The following WDR64 variants were observed in gnomAD, a reference collection of about 807,000 sequenced individuals.
WDR64 encodes WD repeat-containing protein 64.
WDR64 carries 112 observed loss-of-function variants against 139.3 expected under a neutral mutation model. That is an observed-to-expected ratio of 0.80 (90% confidence interval 0.69 to 0.94). The LOEUF is 0.94. Ranked by LOEUF, WDR64 falls within the 40% of genes least tolerant of loss-of-function variation. The pLI is 0.00. For synonymous variants in WDR64, 444 were observed against 437.7 expected (o/e 1.01, Z -0.18); for missense variants, 1,206 against 1,293.1 (o/e 0.93, Z 1.03).
intron 6 of WDR64, 119 bp from the exon 7 acceptor site, chr1:241,683,368 A>G (rs1263431879): frequency 2.3e-6 from 2 of 867,520 alleles, no homozygotes; most frequent in Non-Finnish European, 3.5e-6. Context: ...ATTATCTTAT[A>G]AGATAGGTGT....
chr1:241,787,863 T>A lies in WDR64; in HGVS notation c.2720T>A (p.Leu907His), dbSNP rs776257828. ...IDGSVRLWHA[L>H]NGHYCGYFGQ... ...CCTTCCCTCAGGCTCTGGCATGCCC[T>A]CAATGGACATTATTGTGGATATTTT... Residue 907 changes from leucine to histidine, a missense_variant, in exon 24 of 28, where the codon CTC becomes CAC. Physicochemically the swap from Leu to His is moderately conservative, Grantham distance 99. Coordinates refer to ENST00000437684, the MANE Select transcript of WDR64 (RefSeq NM_001367482.1). 6.3e-7 allele frequency: 1 copy of A among 1,592,846 alleles called. No individual in the cohort carries two copies. The highest frequency in any genetic ancestry group is 8.5e-7 in the Non-Finnish European group (1 of 1,173,778).
intron 8 of WDR64, among the ~76,000 whole-genome samples, chr1:241,706,610 A>T (rs1169756244): frequency 6.6e-6 from 1 of 152,238 alleles, no homozygotes; most frequent in Non-Finnish European, 1.5e-5. Context: ...CATTTGATAG[A>T]AGGATAACTA....
In WDR64 at chr1:241,759,135, A is replaced by G. The variant is rs1337104354; in HGVS notation, c.1947+1676A>G. Among the ~76,000 whole-genome samples, 3 of 152,142 alleles carry G rather than the reference A, an allele frequency of 2.0e-5. No homozygotes were observed. The South Asian group carries it at 6.2e-4, about 31-fold the overall frequency. On this transcript the variant is annotated intron_variant, in intron 15 of 27. Transcript: ENST00000437684. ...AGGTTATGTCATTTTATGTGCTATC[A>G]TTGTACATTACATTATATTCTAGTT...
chr1:241,663,919 T>C (rs1665928837), intron 2 of WDR64, among the ~76,000 whole-genome samples: 1 of 152,162 alleles, frequency 6.6e-6, no homozygotes. Context: ...ATAGCTATTT[T>C]TTTTGTTGCT....
At chr1:241,759,049 G>A (rs552573962) in intron 15 of WDR64, among the ~76,000 whole-genome samples, 1 of 151,810 alleles carries the variant, frequency 6.6e-6, no homozygotes, top group East Asian at 1.9e-4. Flanking sequence ...AATGATACAA[G>A]CATCATTACT....
chr1:241,701,703 C>G (rs1055732668), intron 8 of WDR64, among the ~76,000 whole-genome samples: 9 of 152,146 alleles, frequency 5.9e-5, no homozygotes, highest in African/African-American at 2.2e-4. Flanking sequence ...TTTTCAACTA[C>G]TTCCTCACTT....
At chr1:241,679,394 C>A in intron 5 of WDR64, 91 bp from the exon 6 acceptor site, 1 of 1,122,700 alleles carries the variant, frequency 8.9e-7, no homozygotes, top group Non-Finnish European at 1.3e-6. Flanking sequence ...CAAAATGGAG[C>A]TTTTAGTGTG....
intron 14 of WDR64, among the ~76,000 whole-genome samples, chr1:241,751,190 A>G (rs1669968424): frequency 6.6e-6 from 1 of 152,148 alleles, no homozygotes; most frequent in African/African-American, 2.4e-5. Context: ...ACCTACTACA[A>G]GTGTTGTGAG....
intron 10 of WDR64, among the ~76,000 whole-genome samples, chr1:241,726,479 G>A (rs1012775471): frequency 7.9e-5 from 12 of 151,798 alleles, no homozygotes; most frequent in African/African-American, 9.7e-5. Flanking sequence ...CACTAAAAGC[G>A]GGTGAGTTTT....
chr1:241,769,218 A>T (rs557491078), intron 16 of WDR64, among the ~76,000 whole-genome samples, 186 bp from the exon 17 acceptor site: 5 of 152,334 alleles, frequency 3.3e-5, no homozygotes, highest in Non-Finnish European at 5.9e-5. Context: ...ACCGTTGAGG[A>T]TCATGATTTA....
intron 23 of WDR64, among the ~76,000 whole-genome samples, chr1:241,783,609 C>T (rs1356389241): frequency 6.6e-6 from 1 of 152,156 alleles, no homozygotes; most frequent in Non-Finnish European, 1.5e-5. Flanking sequence ...TAAAAGGTAT[C>T]ACAAATGCTT....
In WDR64 at chr1:241,770,693, A is replaced by G; in HGVS notation, c.2253+3A>G. On this transcript the variant is annotated splice_donor_region_variant and intron_variant, in intron 18 of 27. Coordinates refer to ENST00000437684, the MANE Select transcript of WDR64 (RefSeq NM_001367482.1). ...GCAAAGGTCCACAGAGCAGTAAGGT[A>G]AGCAAGACACAGACAGGGTCTGTCT... 1.3e-6 allele frequency: 2 copies of G among 1,551,244 alleles called. No homozygotes were observed. The highest frequency in any genetic ancestry group is 1.7e-6 in the Non-Finnish European group (2 of 1,146,736).
rs79636668 is a variant in WDR64, at chr1:241,795,216, T to C, written c.3007T>C (p.Tyr1003His). The part of the protein sequence containing the change: ...KSLSSPKIRR[Y>H]PLEGFVTENR... ...TCCCTTTGTTTTGCAGATTCGAAGA[T>C]ATCCCTTGGAAGGTTTCGTGACTGA... The change falls in exon 26 of 28, where the codon TAT becomes CAT. Residue 1003 changes from tyrosine to histidine, a missense_variant. Physicochemically the swap from Tyr to His is moderately conservative, Grantham distance 83. Coordinates refer to ENST00000437684, the MANE Select transcript of WDR64 (RefSeq NM_001367482.1). 1.6e-3 allele frequency: 2,551 copies of C among 1,613,912 alleles called. 33 individuals are homozygous for C. In the African/African-American group the frequency reaches 0.03, roughly 19 times the overall value.
chr1:241,654,326 G>A (rs1250784619), intron 1 of WDR64, among the ~76,000 whole-genome samples: 1 of 152,082 alleles, frequency 6.6e-6, no homozygotes, highest in East Asian at 1.9e-4. Context: ...TGAATTTCCT[G>A]ACAATATCAC....
At chr1:241,727,863 G>C (rs1668906127) in intron 10 of WDR64, among the ~76,000 whole-genome samples, 1 of 151,622 alleles carries the variant, frequency 6.6e-6, no homozygotes, top group South Asian at 2.1e-4. Context: ...AAAATAGCAA[G>C]ACCCCATCTC....
chr1:241,759,226 A>G (rs1294394303), intron 15 of WDR64, among the ~76,000 whole-genome samples: 2 of 152,034 alleles, frequency 1.3e-5, no homozygotes, highest in Admixed American at 6.5e-5. Flanking sequence ...CTTTTTTTGC[A>G]GTTCTTTTTG....
At position 241,702,475 on chromosome 1, in the gene WDR64, G is replaced by A. The variant is rs548305056; in HGVS notation, c.975-9327G>A. On this transcript the variant is annotated intron_variant, in intron 8 of 27. Coordinates refer to ENST00000437684, the MANE Select transcript of WDR64 (RefSeq NM_001367482.1). ...GACACAAAGTACTCAATAAATGTTG[G>A]CTCCTTTTCTTGTTCCCCTAAGAAA... 4.0e-5 allele frequency among the ~76,000 whole-genome samples: 6 copies of A among 151,712 alleles called. No homozygotes were observed. The East Asian group carries it at 9.7e-4, about 24-fold the overall frequency.
At chr1:241,695,369 A>T (rs1028649456) in intron 8 of WDR64, among the ~76,000 whole-genome samples, 1 of 152,262 alleles carries the variant, frequency 6.6e-6, no homozygotes, top group East Asian at 1.9e-4. Flanking sequence ...GGTAATTTGG[A>T]AGCAGCCATG....
At chr1:241,711,190 T>C (rs796708790) in intron 8 of WDR64, among the ~76,000 whole-genome samples, 24 of 151,580 alleles carry the variant, frequency 1.6e-4, no homozygotes, top group African/African-American at 5.1e-4. Context: ...TGAGCCAAGA[T>C]TGTGCCACTG....
Sources: allele counts gnomAD v4.1 joint callset (sites outside exome capture counted in the v4.1 genomes callset), GRCh38; gene constraint gnomAD v4.1.1; transcripts MANE v1.5; gene names NCBI Gene and HGNC (gene_info 2026-07-23, HGNC 2026-07-21).